The following PHTF2 variants were observed in gnomAD, a reference collection of about 807,000 sequenced individuals.
PHTF2 encodes protein PHTF2.
PHTF2 carries 60 observed loss-of-function variants against 101.2 expected under a neutral mutation model. That is an observed-to-expected ratio of 0.59 (90% CI 0.48 to 0.73). The LOEUF is 0.73. Among genes scored for constraint, PHTF2 ranks in the 30% least tolerant of loss-of-function variants. PHTF2 has a pLI of 0.00. For synonymous variants in PHTF2, 311 were observed against 307.3 expected (o/e 1.01, Z -0.13); for missense variants, 747 against 908.7 (o/e 0.82, Z 2.29).
exon 14 of PHTF2, chr7:77,940,144 C>T (rs1379273795): frequency 5.0e-6 from 8 of 1,613,870 alleles, no homozygotes; most frequent in Non-Finnish European, 6.8e-6. Flanking sequence ...CTTGGAACAA[C>T]TCACAGCACA....
intron 12 of PHTF2, among the ~76,000 whole-genome samples, chr7:77,930,710 T>C (rs1804488407): frequency 6.6e-6 from 1 of 152,172 alleles, no homozygotes; most frequent in African/African-American, 2.4e-5. Context: ...GCCAGCATGA[T>C]TGGTTCTTGG....
intron 9 of PHTF2, among the ~76,000 whole-genome samples, chr7:77,913,247 G>GCT (rs1275055071): frequency 1.3e-5 from 2 of 151,966 alleles, no homozygotes; most frequent in Non-Finnish European, 2.9e-5. Context: ...AATTAGCTGG[G>GCT]CGTGATAGTG....
chr7:77,850,635 C>T (rs1430942742), intron 2 of PHTF2, among the ~76,000 whole-genome samples: 1 of 139,166 alleles, frequency 7.2e-6, no homozygotes, highest in Non-Finnish European at 1.5e-5. Context: ...GAGTGAGACC[C>T]TGTCTCAAAA....
intron 15 of PHTF2, among the ~76,000 whole-genome samples, chr7:77,942,142 G>A (rs1386582647): frequency 1.3e-5 from 2 of 151,732 alleles, no homozygotes; most frequent in Admixed American, 6.6e-5. Flanking sequence ...CCCTTAGTTT[G>A]GTGTAAATAT....
At chr7:77,861,353 C>A (rs1024921277) in intron 3 of PHTF2, among the ~76,000 whole-genome samples, 1 of 152,020 alleles carries the variant, frequency 6.6e-6, no homozygotes, top group Non-Finnish European at 1.5e-5. Context: ...TTATATCTTA[C>A]ACTTAATTCT....
At chr7:77,942,240 A>G (rs368536268) in intron 15 of PHTF2, among the ~76,000 whole-genome samples, 11 of 152,204 alleles carry the variant, frequency 7.2e-5, no homozygotes, top group South Asian at 4.1e-4. Flanking sequence ...AAAGCATCCT[A>G]TGTCTTTCCC....
chr7:77,809,557 TTGTG>T (rs556761010), intron 1 of PHTF2, among the ~76,000 whole-genome samples: 1 of 151,376 alleles, frequency 6.6e-6, no homozygotes, highest in Non-Finnish European at 1.5e-5. Flanking sequence ...CAACAAAACT[TTGTG>T]TGTGTGTGTG....
chr7:77,811,194 ACCTGGC>A (rs942806311), intron 1 of PHTF2, among the ~76,000 whole-genome samples: 1 of 152,198 alleles, frequency 6.6e-6, no homozygotes, highest in African/African-American at 2.4e-5. Flanking sequence ...GAGCCACTGC[ACCTGGC>A]CCTGGGTTAC....
chr7:77,952,248 T>C (rs1806614720), intron 18 of PHTF2, among the ~76,000 whole-genome samples: 1 of 152,204 alleles, frequency 6.6e-6, no homozygotes, highest in Non-Finnish European at 1.5e-5. Context: ...ATATTCATTA[T>C]GTTTTTAGTT....
intron 16 of PHTF2, among the ~76,000 whole-genome samples, chr7:77,945,028 A>G (rs1003594179): frequency 1.1e-4 from 17 of 152,342 alleles, no homozygotes; most frequent in South Asian, 2.1e-4. Context: ...TGGGAGATCC[A>G]ACATAGGTCT....
chr7:77,953,665 G>C, intron 18 of PHTF2, 104 bp from the exon 18 acceptor site: 1 of 900,422 alleles, frequency 1.1e-6, no homozygotes, highest in Non-Finnish European at 1.6e-6. Context: ...TCCATAATTG[G>C]TAACTTTTTT....
chr7:77,927,191 TATATACATACACACACAC>T (rs1460393361), intron 11 of PHTF2, among the ~76,000 whole-genome samples: 8 of 93,738 alleles, frequency 8.5e-5, no homozygotes, highest in African/African-American at 2.0e-4. Flanking sequence ...TATATATATA[TATATACATACACACACAC>T]ACACACACAC....
chr7:77,851,461 T>G (rs564153696), intron 2 of PHTF2, among the ~76,000 whole-genome samples: 32 of 152,294 alleles, frequency 2.1e-4, no homozygotes, highest in African/African-American at 7.5e-4. Context: ...ATGTCCGTTT[T>G]CATCTCTAAT....
At chr7:77,911,505 A>G (rs2150872977) in intron 9 of PHTF2, among the ~76,000 whole-genome samples, 1 of 152,300 alleles carries the variant, frequency 6.6e-6, no homozygotes, top group South Asian at 2.1e-4. Context: ...TATGATCAAA[A>G]TATTGAGTGT....
intron 1 of PHTF2, among the ~76,000 whole-genome samples, chr7:77,802,886 T>C (rs1792668100): frequency 6.6e-6 from 1 of 152,220 alleles, no homozygotes; most frequent in African/African-American, 2.4e-5. Flanking sequence ...CGTGCTTCTA[T>C]CTTCTTCTCA....
At chr7:77,898,914 T>C (rs1452877811) in intron 5 of PHTF2, among the ~76,000 whole-genome samples, 1 of 152,134 alleles carries the variant, frequency 6.6e-6, no homozygotes, top group Non-Finnish European at 1.5e-5. Context: ...TTCTCCTTGC[T>C]TCAGCCTCCC....
intron 10 of PHTF2, 102 bp downstream of exon 9, chr7:77,920,567 GAATT>G (rs1251955531): frequency 7.6e-6 from 6 of 788,214 alleles, no homozygotes; most frequent in Non-Finnish European, 1.3e-5. Flanking sequence ...ATTTTCTCCA[GAATT>G]AATTCTGTGA....
chr7:77,813,944 G>A (rs561888217), intron 1 of PHTF2, among the ~76,000 whole-genome samples: 9 of 152,222 alleles, frequency 5.9e-5, no homozygotes, highest in South Asian at 2.1e-4. Flanking sequence ...ACATAAAATC[G>A]TAAGATTTGG....
intron 3 of PHTF2, among the ~76,000 whole-genome samples, chr7:77,892,828 A>G (rs879558593): frequency 3.9e-5 from 6 of 152,226 alleles, no homozygotes; most frequent in Admixed American, 1.3e-4. Flanking sequence ...ATTCTGCTTC[A>G]TAATTATTTT....
Sources: gnomAD v4.1 joint callset for allele counts (sites outside exome capture counted in the v4.1 genomes callset) on GRCh38, gnomAD v4.1.1 for gene constraint, MANE v1.5 for transcripts, NCBI Gene and HGNC (gene_info 2026-07-23, HGNC 2026-07-21) for gene names.